RIMKLB: variants seen among roughly 807,000 people sequenced by gnomAD.
RIMKLB encodes the protein beta-citrylglutamate synthase B.
Under a neutral mutation model 32.0 loss-of-function variants are expected in RIMKLB, and 7 were observed. The observed-to-expected ratio is 0.22, with a 90% CI of 0.12 to 0.41. The LOEUF (loss-of-function observed/expected upper bound fraction) is 0.41, where lower values mean the gene tolerates loss of function less well. Among genes scored for constraint, RIMKLB ranks in the 10% least tolerant of loss-of-function variants. The probability of loss-of-function intolerance (pLI) is 1.00; values close to 1 mark genes in which losing one functional copy is unlikely to be tolerated. For missense variants in RIMKLB, 289 were observed against 498.7 expected, an observed-to-expected ratio of 0.58 and a Z score of 4.00; for synonymous variants, 172 against 185.1, an observed-to-expected ratio of 0.93 and a Z score of 0.57.
chr12:8,671,496 C>T, the RIMKLB span, among the ~76,000 whole-genome samples: 391 of 152,208 alleles, frequency 2.6e-3, 3 homozygotes, highest in African/African-American at 9.0e-3. Flanking sequence ...GTGATCTGCC[C>T]GCCTCGGCCT....
At chr12:8,759,429 A>G (rs1023807615) in intron 5 of RIMKLB, among the ~76,000 whole-genome samples, 2 of 152,178 alleles carry the variant, frequency 1.3e-5, no homozygotes, top group Non-Finnish European at 2.9e-5. Context: ...TAAAAAGCCC[A>G]TAACTTTTTG....
intron 5 of RIMKLB, 144 bp from the exon 6 acceptor site, chr12:8,773,177 A>T (rs1728131399): frequency 4.8e-6 from 3 of 621,682 alleles, no homozygotes; most frequent in Non-Finnish European, 8.5e-6. Context: ...GGAAATCTAG[A>T]CTTAGAAGTC....
chr12:8,745,910 G>C lies in RIMKLB; in HGVS notation c.176-3952G>C, dbSNP rs777897013. On this transcript the variant is annotated intron_variant, in intron 2 of 5. Transcript: ENST00000535829. Reference sequence around the variant, plus strand: ...GGGTTTCACCATGTTGGCCAGACTGGTTTTGAACTCCTGACCTCAGGTGAT... The same window carrying C: ...GGGTTTCACCATGTTGGCCAGACTGCTTTTGAACTCCTGACCTCAGGTGAT... 2.2e-4 allele frequency among the ~76,000 whole-genome samples: 33 copies of C among 151,232 alleles called. 1 individual carries two copies. The highest frequency in any genetic ancestry group is 8.1e-4 in the African/African-American group (33 of 40,888).
chr12:8,685,275 T>A lies in RIMKLB; in HGVS notation n.219+3457T>A, dbSNP rs146246418. The stretch of plus-strand genomic sequence containing the variant: ...ATGTTAGCTGTAGTTTCTTTGTAGA[T>A]GTTCTTTAAGCAGTTGAGGAAGTTC... On this transcript the variant is annotated intron_variant and non_coding_transcript_variant, in intron 1 of 1. Coordinates refer to the RIMKLB transcript ENST00000538758. Among the ~76,000 whole-genome samples, 154 of 152,328 alleles carry A rather than the reference T, an allele frequency of 1.0e-3. 1 individual carries two copies. The highest frequency in any genetic ancestry group is 3.6e-3 in the African/African-American group (148 of 41,586).
intron 3 of RIMKLB, among the ~76,000 whole-genome samples, chr12:8,750,438 G>C (rs190602230): frequency 3.9e-5 from 6 of 152,268 alleles, no homozygotes; most frequent in African/African-American, 9.6e-5. Context: ...TATAAAAACA[G>C]CTGATAGGTC....
rs779962074 is a variant in RIMKLB at position 8,698,258 on chromosome 12, C to T, written c.-96C>T. ...CGCTTCCTCGAAGGCCCCAGCCCGGCTCAGTCGGCCGAGAGCGAGGGAGGA... is the reference window on the plus strand; with the variant it reads ...CGCTTCCTCGAAGGCCCCAGCCCGGTTCAGTCGGCCGAGAGCGAGGGAGGA... On this transcript the variant is annotated 5_prime_UTR_variant, in exon 1 of 6. Coordinates refer to ENST00000535829, the MANE Select transcript of RIMKLB (RefSeq NM_001297776.2). The T allele has an allele frequency of 2.7e-6, 1 of 368,418 alleles. No homozygotes were observed. Among genetic ancestry groups the T allele is most frequent in the South Asian group, 1.8e-5 (1 of 55,160 alleles). The allele number at this position is 368,418 out of a possible 1,614,324, so 22.8% of individuals were successfully genotyped here.
the RIMKLB span, among the ~76,000 whole-genome samples, chr12:8,675,120 C>T: frequency 6.6e-6 from 1 of 152,192 alleles, no homozygotes; most frequent in Non-Finnish European, 1.5e-5. Flanking sequence ...ACTTTGGCCT[C>T]AAAATGCTGG....
intron 5 of RIMKLB, among the ~76,000 whole-genome samples, chr12:8,761,328 A>T (rs1949504790): frequency 6.6e-6 from 1 of 151,840 alleles, no homozygotes; most frequent in African/African-American, 2.4e-5. Flanking sequence ...GCATTTTAAA[A>T]ATAAACCTTC....
chr12:8,684,838 G>A (rs1004438583), intron 1 of RIMKLB, among the ~76,000 whole-genome samples: 3 of 152,144 alleles, frequency 2.0e-5, no homozygotes, highest in African/African-American at 7.2e-5. Context: ...GTCTAGGCTA[G>A]TCTTGAACTC....
intron 1 of RIMKLB, among the ~76,000 whole-genome samples, chr12:8,699,579 G>A (rs1342122786): frequency 3.3e-5 from 5 of 152,110 alleles, no homozygotes. Flanking sequence ...AATGGTTACT[G>A]TTTTATTTGG....
intron 1 of RIMKLB, among the ~76,000 whole-genome samples, chr12:8,683,686 C>G (rs182124668): frequency 2.6e-5 from 4 of 152,296 alleles, no homozygotes; most frequent in African/African-American, 9.6e-5. Flanking sequence ...TGTTCCCGGT[C>G]TGGCTTGTCT....
intron 5 of RIMKLB, among the ~76,000 whole-genome samples, chr12:8,758,564 C>A (rs1351275679): frequency 6.6e-6 from 1 of 152,120 alleles, no homozygotes; most frequent in Admixed American, 6.6e-5. Flanking sequence ...TAATGTCAAG[C>A]ATATTCATCT....
At chr12:8,717,234 A>C (rs558745770) in intron 2 of RIMKLB, among the ~76,000 whole-genome samples, 26 of 152,150 alleles carry the variant, frequency 1.7e-4, no homozygotes, top group Non-Finnish European at 2.9e-4. Flanking sequence ...GCTATTTTGC[A>C]TAATACAGTG....
upstream of RIMKLB, among the ~76,000 whole-genome samples, chr12:8,693,278 G>A (rs1942784290): frequency 6.6e-6 from 1 of 152,112 alleles, no homozygotes; most frequent in Admixed American, 6.5e-5. Flanking sequence ...ACTCTGTTAG[G>A]GAAGATTTTG....
At chr12:8,676,134 G>C in the RIMKLB span, among the ~76,000 whole-genome samples, 35 of 150,792 alleles carry the variant, frequency 2.3e-4, no homozygotes, top group Middle Eastern at 3.4e-3. Context: ...GTGCAGTAGC[G>C]TGATCTTGGC....
At chr12:8,674,109 C>A in the RIMKLB span, among the ~76,000 whole-genome samples, 468 of 152,114 alleles carry the variant, frequency 3.1e-3, 9 homozygotes, top group African/African-American at 0.011. Context: ...TAGTCCTCCA[C>A]AGCATCTCTG....
Position 8,704,405 on chromosome 12 carries a change from G to T in RIMKLB, c.-57+6108G>T, listed in dbSNP as rs191416631. ...CTCAAAAAAAAAAAAAATTGATTTGGTAAGGAAAATGGCATTTTATAAACT... is the reference window on the plus strand; with the variant it reads ...CTCAAAAAAAAAAAAAATTGATTTGTTAAGGAAAATGGCATTTTATAAACT... On this transcript the variant is annotated intron_variant, in intron 1 of 5. Coordinates refer to ENST00000535829, the MANE Select transcript of RIMKLB (RefSeq NM_001297776.2). Among the ~76,000 whole-genome samples the T allele has an allele frequency of 3.3e-3, 505 of 152,032 alleles. 7 individuals carry two copies. Among genetic ancestry groups the T allele is most frequent in the East Asian group, 0.022 (113 of 5,172 alleles).
intron 2 of RIMKLB, among the ~76,000 whole-genome samples, chr12:8,723,714 G>A (rs147955487): frequency 5.9e-4 from 87 of 148,366 alleles, no homozygotes; most frequent in African/African-American, 2.1e-3. Flanking sequence ...TTGTCCTTTT[G>A]TCTTTCTCTA....
intron 2 of RIMKLB, among the ~76,000 whole-genome samples, chr12:8,726,482 C>G (rs143537275): frequency 8.8e-4 from 134 of 152,218 alleles, no homozygotes; most frequent in Non-Finnish European, 1.6e-3. Flanking sequence ...TATTTTCTCC[C>G]AGACTATAGC....
Sources: gnomAD v4.1 joint callset for allele counts (sites outside exome capture counted in the v4.1 genomes callset) on GRCh38, gnomAD v4.1.1 for gene constraint, MANE v1.5 for transcripts, NCBI Gene and HGNC (gene_info 2026-07-23, HGNC 2026-07-21) for gene names.